Variants in SCAI observed in about 807,000 individuals in gnomAD.
The protein encoded by SCAI is protein SCAI.
Under a neutral mutation model 92.2 loss-of-function variants are expected in SCAI, and 24 were observed. The observed-to-expected ratio is 0.26, with a 90% CI of 0.19 to 0.37. The LOEUF (loss-of-function observed/expected upper bound fraction) is 0.37. SCAI is among the 10% of genes least tolerant of loss of function. The probability of loss-of-function intolerance (pLI) is 1.00; values close to 1 mark genes in which losing one functional copy is unlikely to be tolerated. For synonymous variants in SCAI, 261 were observed against 258.6 expected (o/e 1.01, Z -0.09); for missense variants, 450 against 736.2 (o/e 0.61, Z 4.50).
In SCAI at chr9:125,062,692, T is replaced by A. The variant is rs542191386; in HGVS notation, c.99-6685A>T. On this transcript the variant is annotated intron_variant, in intron 2 of 17. Transcript: ENST00000336505. ...ATCGCTTGAATCTGGGAGGCGGGGG[T>A]TGCAGTGAGCCAAAATTGCAAAACA... 1.5e-3 allele frequency among the ~76,000 whole-genome samples: 226 copies of A among 147,280 alleles called. 1 individual carries two copies. Among genetic ancestry groups the A allele is most frequent in the Non-Finnish European group, 1.7e-3 (111 of 66,876 alleles).
intron 2 of SCAI, among the ~76,000 whole-genome samples, chr9:125,089,343 A>G (rs191473870): frequency 1.3e-5 from 2 of 152,328 alleles, no homozygotes; most frequent in Admixed American, 1.3e-4. Context: ...AACCTTCAAG[A>G]ATATGGCCCA....
rs376306376 is a variant in SCAI, at chr9:125,053,359, C to T, written c.230+2517G>A. 7.2e-5 allele frequency among the ~76,000 whole-genome samples: 11 copies of T among 152,168 alleles called. No homozygotes were observed. In the South Asian group the frequency reaches 2.3e-3, roughly 32 times the overall value. On this transcript the variant is annotated intron_variant, in intron 3 of 17. Transcript: ENST00000336505. ...CAAAAAAAAGGAAAACCTACGCTCA[C>T]ATAAAAACTTGTATACAAATGTTCA... is the stretch of plus-strand genomic sequence containing the variant.
intron 13 of SCAI, among the ~76,000 whole-genome samples, chr9:124,995,453 T>C (rs561756366): frequency 1.3e-5 from 2 of 152,294 alleles, no homozygotes; most frequent in South Asian, 4.1e-4. Flanking sequence ...ATCTTAATAC[T>C]GCAGGTAGTA....
intron 2 of SCAI, among the ~76,000 whole-genome samples, chr9:125,119,382 T>C (rs1226666992): frequency 1.3e-5 from 2 of 152,216 alleles, no homozygotes; most frequent in Non-Finnish European, 2.9e-5. Flanking sequence ...TGGAGTTATC[T>C]AGGCAGCAAT....
intron 17 of SCAI, among the ~76,000 whole-genome samples, chr9:124,957,950 T>C (rs1406558959): frequency 2.6e-5 from 4 of 152,236 alleles, no homozygotes; most frequent in South Asian, 2.1e-4. Context: ...CCCAAAGTGC[T>C]GGGATTACAG....
intron 2 of SCAI, among the ~76,000 whole-genome samples, chr9:125,064,923 A>G (rs1275729405): frequency 6.6e-6 from 1 of 152,202 alleles, no homozygotes; most frequent in Non-Finnish European, 1.5e-5. Context: ...GTCAAAAAAC[A>G]TCATAATGAA....
At position 124,947,824 on chromosome 9, in the gene SCAI, A is replaced by C. The variant is rs1031815720; in HGVS notation, c.*4983T>G. ...TATACACCCAAAACATCACCAGGAG[A>C]CTCATAGCATTCATATTCATATCAA... On this transcript the variant is annotated 3_prime_UTR_variant, in exon 18 of 18. Coordinates refer to ENST00000336505, the MANE Select transcript of SCAI (RefSeq NM_001144877.3). 7.2e-5 allele frequency: 11 copies of C among 152,122 alleles called. No individual in the cohort carries two copies. Among genetic ancestry groups the C allele is most frequent in the Non-Finnish European group, 1.2e-4 (8 of 68,012 alleles). The allele number at this position is 152,122 out of a possible 1,614,324, so 9.4% of individuals were successfully genotyped here.
chr9:125,051,992 A>AGCCGAGATCATGCCACTGCACTCC, intron 3 of SCAI, among the ~76,000 whole-genome samples: 1 of 152,200 alleles, frequency 6.6e-6, no homozygotes, highest in East Asian at 1.9e-4. Flanking sequence ...GGCTGCACTG[A>AGCCGAGATCATGCCACTGCACTCC]GCCGAGATCA....
chr9:125,106,422 G>C (rs1834802003), intron 2 of SCAI, among the ~76,000 whole-genome samples: 1 of 151,290 alleles, frequency 6.6e-6, no homozygotes, highest in Non-Finnish European at 1.5e-5. Flanking sequence ...AGACTTCTCT[G>C]TCCTCTCTTG....
At chr9:125,032,969 T>C (rs1395887860) in intron 3 of SCAI, among the ~76,000 whole-genome samples, 1 of 152,174 alleles carries the variant, frequency 6.6e-6, no homozygotes, top group Non-Finnish European at 1.5e-5. Flanking sequence ...TATAAAGTAA[T>C]GTGAAAACTG....
At chr9:125,006,700 C>A (rs1308936854) in intron 9 of SCAI, among the ~76,000 whole-genome samples, 3 of 151,638 alleles carry the variant, frequency 2.0e-5, no homozygotes, top group African/African-American at 7.3e-5. Flanking sequence ...CCATATTGGT[C>A]AGGCTGGTAT....
chr9:125,123,031 A>C (rs942379378), intron 2 of SCAI, among the ~76,000 whole-genome samples: 2 of 152,332 alleles, frequency 1.3e-5, no homozygotes, highest in Admixed American at 6.5e-5. Context: ...GCCAGGTGTT[A>C]CCTCAATAGA....
chr9:125,027,806 G>A (rs1198207703), intron 5 of SCAI, among the ~76,000 whole-genome samples: 1 of 152,082 alleles, frequency 6.6e-6, no homozygotes, highest in Non-Finnish European at 1.5e-5. Context: ...GAGCCACCAC[G>A]CCCAGCCATT....
chr9:124,966,167 T>C (rs1286127244), intron 17 of SCAI, among the ~76,000 whole-genome samples: 2 of 152,008 alleles, frequency 1.3e-5, no homozygotes. Context: ...CATGTTGGTG[T>C]GCTGCACCCA....
intron 2 of SCAI, among the ~76,000 whole-genome samples, chr9:125,132,609 G>A (rs1835426639): frequency 6.6e-6 from 1 of 152,156 alleles, no homozygotes; most frequent in African/African-American, 2.4e-5. Flanking sequence ...GCTCCATATA[G>A]CCAAAATAAA....
chr9:124,990,977 C>T (rs1219446937), intron 14 of SCAI, among the ~76,000 whole-genome samples: 1 of 152,094 alleles, frequency 6.6e-6, no homozygotes. Flanking sequence ...ACAAGTGGTT[C>T]GAAAAGGGCT....
chr9:125,046,131 C>T (rs1328044272), intron 3 of SCAI, among the ~76,000 whole-genome samples: 2 of 135,110 alleles, frequency 1.5e-5, no homozygotes, highest in African/African-American at 2.8e-5. Context: ...GCACAATTTG[C>T]AATTGCAAAA....
chr9:124,957,156 G>C (rs1192785818), intron 17 of SCAI, among the ~76,000 whole-genome samples: 1 of 151,750 alleles, frequency 6.6e-6, no homozygotes, highest in South Asian at 2.1e-4. Flanking sequence ...CACAGCCCAA[G>C]TAATTTTTTG....
intron 15 of SCAI, among the ~76,000 whole-genome samples, chr9:124,972,241 A>C (rs1185174495): frequency 1.3e-5 from 2 of 152,248 alleles, no homozygotes; most frequent in East Asian, 3.9e-4. Context: ...CTATCTCTTA[A>C]ATATGAGTAG....
Sources: gnomAD v4.1 joint callset for allele counts (sites outside exome capture counted in the v4.1 genomes callset) on GRCh38, gnomAD v4.1.1 for gene constraint, MANE v1.5 for transcripts, NCBI Gene and HGNC (gene_info 2026-07-23, HGNC 2026-07-21) for gene names.